The following TRAPPC9 variants were observed in gnomAD, a reference collection of about 807,000 sequenced individuals.
The protein encoded by TRAPPC9 is trafficking protein particle complex subunit 9.
TRAPPC9 carries 83 observed loss-of-function variants against 124.0 expected under a neutral mutation model. The ratio of observed to expected loss-of-function variants is 0.67; its 90% CI spans 0.56 to 0.80. The LOEUF (loss-of-function observed/expected upper bound fraction) is 0.80. TRAPPC9 is among the 30% of genes least tolerant of loss of function. The pLI is 0.00. For missense variants in TRAPPC9, 1,302 were observed against 1,508.3 expected, an observed-to-expected ratio of 0.86 and a Z score of 2.27; for synonymous variants, 638 against 617.5, an observed-to-expected ratio of 1.03 and a Z score of -0.49.
chr8:139,768,720 A>G (rs1035118153), intron 21 of TRAPPC9, among the ~76,000 whole-genome samples: 1 of 152,244 alleles, frequency 6.6e-6, no homozygotes, highest in African/African-American at 2.4e-5. Flanking sequence ...TAATCTTTGT[A>G]CAGCTCTATT....
intron 21 of TRAPPC9, among the ~76,000 whole-genome samples, chr8:139,758,626 T>C (rs1003215024): frequency 6.6e-5 from 10 of 152,268 alleles, no homozygotes; most frequent in Non-Finnish European, 1.3e-4. Context: ...CCAGGCTCCC[T>C]GAAGGAGGGG....
chr8:139,937,624 C>T (rs1395245932), intron 19 of TRAPPC9, among the ~76,000 whole-genome samples: 1 of 152,086 alleles, frequency 6.6e-6, no homozygotes, highest in African/African-American at 2.4e-5. Flanking sequence ...GTCGTCCACA[C>T]TGGAGGCAGC....
chr8:139,994,844 G>A (rs1837864725), intron 18 of TRAPPC9, among the ~76,000 whole-genome samples: 1 of 152,006 alleles, frequency 6.6e-6, no homozygotes, highest in South Asian at 2.1e-4. Context: ...GTGTGATCAA[G>A]GAACAGAACA....
chr8:139,921,225 G>A (rs1419873035), intron 19 of TRAPPC9, among the ~76,000 whole-genome samples: 2 of 152,224 alleles, frequency 1.3e-5, no homozygotes, highest in Non-Finnish European at 1.5e-5. Flanking sequence ...GTGAGGGCAG[G>A]CAGTCATCAC....
Position 140,290,982 on chromosome 8 carries a change from G to A in TRAPPC9, c.1854+11C>T. ...TTAGCCCAAAAAGGTCAAATGATTG[G>A]TGATACATACCATGTTTTCAACTCG... is the stretch of plus-strand genomic sequence containing the variant. On this transcript the variant is annotated intron_variant, in intron 12 of 22. Coordinates refer to ENST00000438773, the MANE Select transcript of TRAPPC9 (RefSeq NM_001160372.4). 1 of 1,612,508 alleles carries A rather than the reference G, an allele frequency of 6.2e-7. No individual in the cohort carries two copies. The highest frequency in any genetic ancestry group is 1.1e-5 in the South Asian group (1 of 91,036).
chr8:140,192,294 C>G (rs1451842689), intron 17 of TRAPPC9, among the ~76,000 whole-genome samples: 2 of 152,218 alleles, frequency 1.3e-5, no homozygotes, highest in Non-Finnish European at 2.9e-5. Flanking sequence ...GTGTATTTCA[C>G]TTATTTAACT....
chr8:140,377,360 G>A (rs191207031), intron 7 of TRAPPC9, among the ~76,000 whole-genome samples: 228 of 152,026 alleles, frequency 1.5e-3, no homozygotes, highest in Non-Finnish European at 2.8e-3. Flanking sequence ...GCGCAGTGGC[G>A]TAATCTCGGC....
intron 15 of TRAPPC9, among the ~76,000 whole-genome samples, chr8:140,265,633 G>A (rs767651968): frequency 3.9e-5 from 6 of 152,176 alleles, no homozygotes; most frequent in African/African-American, 7.2e-5. Flanking sequence ...GAGAGCCATC[G>A]ATTAACAGTG....
chr8:140,031,886 G>T (rs1840517266), intron 17 of TRAPPC9, among the ~76,000 whole-genome samples: 3 of 152,118 alleles, frequency 2.0e-5, no homozygotes, highest in Admixed American at 6.5e-5. Flanking sequence ...CAAAGGAGGG[G>T]GTATGTCTGG....
intron 8 of TRAPPC9, among the ~76,000 whole-genome samples, chr8:140,370,675 A>C (rs1196569543): frequency 2.0e-5 from 3 of 152,230 alleles, no homozygotes; most frequent in Non-Finnish European, 2.9e-5. Context: ...AGTAAAATTC[A>C]TTAGGTACTT....
chr8:140,370,349 G>A (rs916758818), intron 8 of TRAPPC9, among the ~76,000 whole-genome samples: 2 of 152,018 alleles, frequency 1.3e-5, no homozygotes, highest in African/African-American at 4.8e-5. Flanking sequence ...ATGTTGGCCA[G>A]GCTGGTCATG....
intron 5 of TRAPPC9, among the ~76,000 whole-genome samples, chr8:140,406,330 A>G (rs1290956363): frequency 6.6e-6 from 1 of 152,228 alleles, no homozygotes; most frequent in Non-Finnish European, 1.5e-5. Context: ...TTCACAGAAC[A>G]CTCAAAAAAT....
At chr8:140,079,687 T>C (rs1843707038) in intron 17 of TRAPPC9, among the ~76,000 whole-genome samples, 1 of 152,140 alleles carries the variant, frequency 6.6e-6, no homozygotes, top group African/African-American at 2.4e-5. Context: ...TCCCAGCACT[T>C]TGGGAGGCCA....
intron 9 of TRAPPC9, among the ~76,000 whole-genome samples, chr8:140,320,078 A>T (rs904676946): frequency 6.6e-6 from 1 of 152,260 alleles, no homozygotes; most frequent in Non-Finnish European, 1.5e-5. Flanking sequence ...GGAAAAAGAA[A>T]ACACGGAGGA....
At chr8:140,421,318 ATTACT>A (rs1208536960) in intron 5 of TRAPPC9, among the ~76,000 whole-genome samples, 2 of 152,208 alleles carry the variant, frequency 1.3e-5, no homozygotes, top group Admixed American at 6.6e-5. Flanking sequence ...ATGGGCACTA[ATTACT>A]TTAATGGAGC....
intron 21 of TRAPPC9, among the ~76,000 whole-genome samples, chr8:139,831,069 T>A (rs1316792682): frequency 1.3e-5 from 2 of 152,196 alleles, no homozygotes; most frequent in Non-Finnish European, 2.9e-5. Context: ...AAATGAGCCA[T>A]CTGCTAAGAG....
Position 140,451,122 on chromosome 8 carries a change from T to G in TRAPPC9, c.252A>C (p.Thr84=), listed in dbSNP as rs1259369085. 22 of 1,613,914 alleles carry G rather than the reference T, an allele frequency of 1.4e-5. No individual in the cohort carries two copies. The highest frequency in any genetic ancestry group is 5.0e-5 in the Admixed American group (3 of 59,994). ...GCCAGTCCTTGGCCGAGAAGCAGTC[T>G]GTGATGGTGATGAGGCCCACGACTT... ...HRKVVGLITI[T]DCFSAKDWPQ... Residue 84 remains threonine (T), a synonymous_variant, in exon 2 of 23, where the codon ACA becomes ACC. Coordinates refer to ENST00000438773, the MANE Select transcript of TRAPPC9 (RefSeq NM_001160372.4).
chr8:139,838,476 G>A (rs1200107241), intron 21 of TRAPPC9, among the ~76,000 whole-genome samples: 1 of 152,222 alleles, frequency 6.6e-6, no homozygotes, highest in African/African-American at 2.4e-5. Flanking sequence ...GGACTGAGCG[G>A]GGAGTGAGCC....
At chr8:140,024,175 G>C (rs1292032856) in intron 17 of TRAPPC9, 96 bp from the exon 18 acceptor site, 1 of 1,453,616 alleles carries the variant, frequency 6.9e-7, no homozygotes, top group Non-Finnish European at 9.5e-7. Flanking sequence ...GGAAGAGTCT[G>C]AAGATAATCC....
Sources: gnomAD v4.1 joint callset for allele counts (sites outside exome capture counted in the v4.1 genomes callset) on GRCh38, gnomAD v4.1.1 for gene constraint, MANE v1.5 for transcripts, NCBI Gene and HGNC (gene_info 2026-07-23, HGNC 2026-07-21) for gene names.